CD200R1L: variants seen among roughly 807,000 people sequenced by gnomAD.
CD200R1L encodes cell surface glycoprotein CD200 receptor 2.
In CD200R1L, 14 loss-of-function variants were observed where a neutral mutation model predicts 24.8. The observed-to-expected ratio is 0.56, with a 90% CI of 0.37 to 0.88. The LOEUF (loss-of-function observed/expected upper bound fraction) is 0.88, where lower values mean the gene tolerates loss of function less well. Ranked by LOEUF, CD200R1L falls within the 40% of genes least tolerant of loss-of-function variation. The pLI is 0.00. For missense variants in CD200R1L, 299 were observed against 297.8 expected (o/e 1.00, Z -0.03); for synonymous variants, 111 against 109.2 (o/e 1.02, Z -0.11).
At chr3:112,836,093 C>T (rs1440358633) in intron 3 of CD200R1L, among the ~76,000 whole-genome samples, 1 of 152,218 alleles carries the variant, frequency 6.6e-6, no homozygotes, top group East Asian at 1.9e-4. Flanking sequence ...TGTGGGCTCC[C>T]AGGATGAAGC....
In CD200R1L at chr3:112,834,775, A is replaced by T. The variant is rs116692308; in HGVS notation, c.-18+3167T>A. ...TGAGGGATGTGTGAGTGAGCATGGG[A>T]TCCAACCACTGCACACAGCCAGGCA... is the stretch of plus-strand genomic sequence containing the variant. On this transcript the variant is annotated intron_variant, in intron 3 of 7. Coordinates refer to ENST00000488794, the MANE Select transcript of CD200R1L (RefSeq NM_001199215.3). Among the ~76,000 whole-genome samples the T allele has an allele frequency of 2.0e-3, 301 of 152,306 alleles. 2 individuals carry two copies. Among genetic ancestry groups the T allele is most frequent in the African/African-American group, 6.9e-3 (286 of 41,578 alleles).
chr3:112,826,848 G>T, intron 6 of CD200R1L, 145 bp downstream of exon 6: 1 of 881,952 alleles, frequency 1.1e-6, no homozygotes. Flanking sequence ...ACAGATTCTA[G>T]CGTTGTAATG....
At chr3:112,833,332 T>C (rs1938856406) in intron 3 of CD200R1L, among the ~76,000 whole-genome samples, 1 of 152,186 alleles carries the variant, frequency 6.6e-6, no homozygotes, top group South Asian at 2.1e-4. Flanking sequence ...GAAGATTCTG[T>C]GATAAAGATG....
At chr3:112,841,186 C>G in intron 2 of CD200R1L, 1 of 373,184 alleles carries the variant, frequency 2.7e-6, no homozygotes, top group Non-Finnish European at 5.5e-6. Context: ...CCCCCTAGTG[C>G]TGTCTCATGA....
rs1938367459 is a variant in CD200R1L, at chr3:112,815,736, C to T, written c.*227G>A. On this transcript the variant is annotated 3_prime_UTR_variant, in exon 8 of 8. Transcript: ENST00000488794. ...TGGCATGAACAAAATTTTATTCACTCTAACACAAAAGAAGTCAATGAATAG... is the reference window on the plus strand; with the variant it reads ...TGGCATGAACAAAATTTTATTCACTTTAACACAAAAGAAGTCAATGAATAG... 1 of 519,288 alleles carries T rather than the reference C, an allele frequency of 1.9e-6. No homozygotes were observed. Among genetic ancestry groups the T allele is most frequent in the East Asian group, 3.1e-5 (1 of 32,556 alleles). The allele number at this position is 519,288 out of a possible 1,614,324, so 32.2% of individuals were successfully genotyped here.
At chr3:112,826,949 A>T (rs1359166084) in intron 6 of CD200R1L, 44 bp downstream of exon 6, 1 of 1,504,660 alleles carries the variant, frequency 6.6e-7, no homozygotes, top group Non-Finnish European at 8.9e-7. Context: ...TGGAAGAAAA[A>T]GTTGAGCATC....
At position 112,846,775 on chromosome 3, in the gene CD200R1L, G is replaced by C. The variant is rs937927536; in HGVS notation, c.-509C>G. 1.3e-5 allele frequency: 2 copies of C among 151,870 alleles called. No homozygotes were observed. The highest frequency in any genetic ancestry group is 2.9e-5 in the Non-Finnish European group (2 of 67,980). The allele number at this position is 151,870 out of a possible 1,614,324, so 9.4% of individuals were successfully genotyped here. On this transcript the variant is annotated 5_prime_UTR_variant, in exon 1 of 8. Coordinates refer to ENST00000488794, the MANE Select transcript of CD200R1L (RefSeq NM_001199215.3). ...TCTTTTGCACTTCTTAGCTTTTTAT[G>C]GTGTCCTTATAAAAAGAGGAAAACT...
chr3:112,820,723 G>T (rs1223504247), intron 6 of CD200R1L, among the ~76,000 whole-genome samples: 1 of 151,670 alleles, frequency 6.6e-6, no homozygotes, highest in Non-Finnish European at 1.5e-5. Context: ...GAGCCACCAT[G>T]CCCAGCCAGA....
intron 6 of CD200R1L, among the ~76,000 whole-genome samples, chr3:112,826,328 T>G (rs936694896): frequency 6.6e-6 from 1 of 152,150 alleles, no homozygotes; most frequent in African/African-American, 2.4e-5. Flanking sequence ...ATATGTAATT[T>G]TATTTAATTA....
At chr3:112,824,520 G>A (rs1261953333) in intron 6 of CD200R1L, among the ~76,000 whole-genome samples, 1 of 152,200 alleles carries the variant, frequency 6.6e-6, no homozygotes, top group Non-Finnish European at 1.5e-5. Flanking sequence ...GTATGGATGA[G>A]GTTACTCAAG....
intron 3 of CD200R1L, among the ~76,000 whole-genome samples, chr3:112,831,177 T>A (rs904899500): frequency 7.2e-5 from 11 of 152,246 alleles, no homozygotes; most frequent in African/African-American, 2.7e-4. Flanking sequence ...GATTTTTGTA[T>A]AATTTTAGTT....
intron 6 of CD200R1L, among the ~76,000 whole-genome samples, chr3:112,826,737 C>T (rs1298010275): frequency 6.6e-6 from 1 of 152,154 alleles, no homozygotes; most frequent in Non-Finnish European, 1.5e-5. Context: ...GTTAAAACTA[C>T]ATAAAACTCT....
chr3:112,824,106 CT>C (rs1938604806), intron 6 of CD200R1L, among the ~76,000 whole-genome samples: 1 of 152,094 alleles, frequency 6.6e-6, no homozygotes, highest in Non-Finnish European at 1.5e-5. Flanking sequence ...ATCCTGATTA[CT>C]GATTTGGATA....
Position 112,837,940 on chromosome 3 carries a change from A to G in CD200R1L, c.-18+2T>C. The G allele has an allele frequency of 8.4e-7, 1 of 1,197,532 alleles. No individual in the cohort carries two copies. Among genetic ancestry groups the G allele is most frequent in the Non-Finnish European group, 1.1e-6 (1 of 941,436 alleles). 74.2% of individuals were successfully genotyped at this position (1,197,532 alleles called of 1,614,324 possible). The stretch of plus-strand genomic sequence containing the variant: ...TGGTTATTAAGTAAGTGAGCATTTT[A>G]CCTTCATTAAGACGTATTCTCTAAC... On this transcript the variant is annotated splice_donor_variant, in intron 3 of 7. Transcript: ENST00000488794. LOFTEE classifies it low-confidence loss of function (5UTR_SPLICE).
At chr3:112,837,666 C>T (rs1426934947) in intron 3 of CD200R1L, among the ~76,000 whole-genome samples, 1 of 152,180 alleles carries the variant, frequency 6.6e-6, no homozygotes, top group Non-Finnish European at 1.5e-5. Context: ...ATTCTGTATC[C>T]TTGTCTAATT....
chr3:112,832,817 TATATAA>T lies in CD200R1L; in HGVS notation c.-17-3439_-17-3434del, dbSNP rs1178296991. Among the ~76,000 whole-genome samples the T allele has an allele frequency of 6.6e-5, 10 of 152,294 alleles. No individual in the cohort carries two copies. The South Asian group carries it at 1.5e-3, about 22-fold the overall frequency. On this transcript the variant is annotated intron_variant, in intron 3 of 7. Coordinates refer to ENST00000488794, the MANE Select transcript of CD200R1L (RefSeq NM_001199215.3). The stretch of plus-strand genomic sequence containing the variant: ...TTGTATTCCACAGGACAGTAGAGAG[TATATAA>T]ATATGGTCTTGCCTTAATTTCTACT...
intron 2 of CD200R1L, among the ~76,000 whole-genome samples, chr3:112,839,718 T>C (rs200396515): frequency 6.6e-6 from 1 of 152,194 alleles, no homozygotes; most frequent in African/African-American, 2.4e-5. Flanking sequence ...TGTGAACATA[T>C]AGGCAAAAGC....
intron 4 of CD200R1L, 56 bp downstream of exon 4, chr3:112,829,263 A>T: frequency 7.5e-7 from 1 of 1,341,798 alleles, no homozygotes; most frequent in Non-Finnish European, 1.1e-6. Flanking sequence ...TAATGATTCT[A>T]CTGAAGTTCA....
chr3:112,833,347 G>A (rs73225763), intron 3 of CD200R1L, among the ~76,000 whole-genome samples: 9,098 of 152,300 alleles, frequency 0.06, 283 homozygotes, highest in African/African-American at 0.077. Context: ...AAGATGAAAT[G>A]TGGAGCCTCA....
Sources: gnomAD v4.1 joint callset for allele counts (sites outside exome capture counted in the v4.1 genomes callset) on GRCh38, gnomAD v4.1.1 for gene constraint, MANE v1.5 for transcripts, NCBI Gene and HGNC (gene_info 2026-07-23, HGNC 2026-07-21) for gene names.